The following AGBL1 variants were observed in gnomAD, a reference collection of about 807,000 sequenced individuals.
AGBL1 encodes AGBL carboxypeptidase 1.
Under a neutral mutation model 118.9 loss-of-function variants are expected in AGBL1, and 130 were observed. That is an observed-to-expected ratio of 1.09 (90% CI 0.95 to 1.26). AGBL1 has a LOEUF of 1.26. Ranked by LOEUF, AGBL1 falls within the 50% of genes most tolerant of loss-of-function variation. AGBL1 has a pLI of 0.00. For synonymous variants in AGBL1, 555 were observed against 478.9 expected (o/e 1.16, Z -2.08); for missense variants, 1,584 against 1,298.1 (o/e 1.22, Z -3.38).
chr15:86,624,465 T>C (rs144079312), intron 21 of AGBL1, among the ~76,000 whole-genome samples: 73 of 152,320 alleles, frequency 4.8e-4, no homozygotes, highest in Non-Finnish European at 2.8e-4. Context: ...TCCTCTGTCC[T>C]CCAGAAGTGT....
At chr15:86,994,039 T>G (rs2081356276) in intron 24 of AGBL1, among the ~76,000 whole-genome samples, 1 of 152,056 alleles carries the variant, frequency 6.6e-6, no homozygotes, top group Non-Finnish European at 1.5e-5. Flanking sequence ...GTGACACAGG[T>G]TCTGTGTCAC....
chr15:86,598,677 G>C (rs1438240243), intron 21 of AGBL1, among the ~76,000 whole-genome samples: 1 of 152,054 alleles, frequency 6.6e-6, no homozygotes, highest in Non-Finnish European at 1.5e-5. Flanking sequence ...CCACTGTTGG[G>C]AACACTGCTG....
chr15:86,961,500 G>A (rs1195073805), intron 23 of AGBL1, among the ~76,000 whole-genome samples: 1 of 152,024 alleles, frequency 6.6e-6, no homozygotes, highest in Non-Finnish European at 1.5e-5. Flanking sequence ...ACGAGACCTG[G>A]GGCTTCATTG....
At chr15:86,477,361 A>G (rs192219114) in intron 18 of AGBL1, among the ~76,000 whole-genome samples, 1,598 of 152,336 alleles carry the variant, frequency 0.01, 32 homozygotes, top group African/African-American at 0.036. Flanking sequence ...GAAAAGAGAG[A>G]AGAATCAAAT....
chr15:86,466,643 G>C (rs753604902), intron 18 of AGBL1, among the ~76,000 whole-genome samples: 1 of 152,192 alleles, frequency 6.6e-6, no homozygotes, highest in African/African-American at 2.4e-5. Flanking sequence ...TCTACCTTTG[G>C]TGTTTGCTGT....
chr15:86,541,771 C>A (rs76113016), intron 19 of AGBL1, among the ~76,000 whole-genome samples: 3,657 of 152,104 alleles, frequency 0.024, 83 homozygotes, highest in African/African-American at 0.064. Flanking sequence ...ACAGATGCCT[C>A]TAGAGACTGA....
chr15:86,880,313 G>A (rs1195156073), intron 22 of AGBL1, among the ~76,000 whole-genome samples: 2 of 152,146 alleles, frequency 1.3e-5, no homozygotes, highest in Non-Finnish European at 2.9e-5. Flanking sequence ...ACCCTTCACT[G>A]GGAGCTGCCA....
chr15:86,747,831 C>G (rs565331126), intron 22 of AGBL1, among the ~76,000 whole-genome samples: 4 of 152,156 alleles, frequency 2.6e-5, no homozygotes, highest in African/African-American at 7.2e-5. Flanking sequence ...TGGCTGCATA[C>G]TATTCCATGG....
chr15:86,883,868 CACTGGGTA>C (rs989960358), intron 22 of AGBL1, among the ~76,000 whole-genome samples: 2 of 152,156 alleles, frequency 1.3e-5, no homozygotes, highest in Non-Finnish European at 2.9e-5. Flanking sequence ...GGCCTAGGCA[CACTGGGTA>C]ACAAATCAGA....
At chr15:86,726,942 C>T (rs138622452) in intron 22 of AGBL1, among the ~76,000 whole-genome samples, 154 of 152,170 alleles carry the variant, frequency 1.0e-3, no homozygotes, top group African/African-American at 3.2e-3. Flanking sequence ...GTAGAAACGT[C>T]GTTTTCCTCG....
At chr15:86,526,194 T>C (rs1470053119) in intron 19 of AGBL1, among the ~76,000 whole-genome samples, 1 of 151,860 alleles carries the variant, frequency 6.6e-6, no homozygotes, top group Non-Finnish European at 1.5e-5. Flanking sequence ...GAATGGCCGT[T>C]TTTAAAAGAT....
chr15:86,818,679 G>A (rs2078898836), intron 22 of AGBL1, among the ~76,000 whole-genome samples: 1 of 152,134 alleles, frequency 6.6e-6, no homozygotes, highest in Non-Finnish European at 1.5e-5. Context: ...CAAAGTGGAT[G>A]GTGATAGTGG....
At chr15:86,509,637 A>T (rs1006396913) in intron 18 of AGBL1, among the ~76,000 whole-genome samples, 1 of 151,778 alleles carries the variant, frequency 6.6e-6, no homozygotes, top group African/African-American at 2.4e-5. Flanking sequence ...TATATAGGAG[A>T]TAATAAATCT....
chr15:86,243,997 G>A (rs989633797), intron 6 of AGBL1, among the ~76,000 whole-genome samples: 1 of 151,666 alleles, frequency 6.6e-6, no homozygotes, highest in South Asian at 2.1e-4. Context: ...TCCAGCCTGG[G>A]CAACAGGGTG....
intron 22 of AGBL1, among the ~76,000 whole-genome samples, chr15:86,723,631 T>C (rs532160032): frequency 4.6e-5 from 7 of 152,174 alleles, no homozygotes; most frequent in Admixed American, 2.6e-4. Context: ...GTTGTGCACA[T>C]GTACCCTAAA....
At chr15:87,008,489 C>T (rs887057788) in intron 24 of AGBL1, among the ~76,000 whole-genome samples, 5 of 152,144 alleles carry the variant, frequency 3.3e-5, no homozygotes, top group Non-Finnish European at 5.9e-5. Context: ...TTTCCAGTCT[C>T]AGGGTATGAC....
At chr15:86,474,388 T>C (rs1226366016) in intron 18 of AGBL1, among the ~76,000 whole-genome samples, 1 of 152,188 alleles carries the variant, frequency 6.6e-6, no homozygotes, top group African/African-American at 2.4e-5. Context: ...AATACTGCGC[T>C]TTTCCAATGG....
intron 21 of AGBL1, among the ~76,000 whole-genome samples, chr15:86,655,773 T>G (rs990976762): frequency 6.6e-6 from 1 of 152,152 alleles, no homozygotes; most frequent in Non-Finnish European, 1.5e-5. Context: ...AGTGTACAAT[T>G]TGGATACATT....
chr15:86,687,580 A>T (rs746987703), intron 22 of AGBL1, among the ~76,000 whole-genome samples: 62 of 152,162 alleles, frequency 4.1e-4, no homozygotes, highest in Non-Finnish European at 6.6e-4. Context: ...GTCATGAGTG[A>T]TTTCAAAAAT....
Sources: gnomAD v4.1 joint callset for allele counts (sites outside exome capture counted in the v4.1 genomes callset) on GRCh38, gnomAD v4.1.1 for gene constraint, MANE v1.5 for transcripts, NCBI Gene and HGNC (gene_info 2026-07-23, HGNC 2026-07-21) for gene names.